Variants in PHF14 observed in about 807,000 individuals in gnomAD.
PHF14 encodes the protein PHD finger protein 14.
Under a neutral mutation model 117.9 loss-of-function variants are expected in PHF14, and 55 were observed. The observed-to-expected ratio is 0.47, with a 90% CI of 0.38 to 0.58. The LOEUF (loss-of-function observed/expected upper bound fraction) is 0.58. Among genes scored for constraint, PHF14 ranks in the 20% least tolerant of loss-of-function variants. PHF14 has a pLI of 0.00. For synonymous variants in PHF14, 409 were observed against 368.6 expected (o/e 1.11, Z -1.26); for missense variants, 978 against 1,122.2 (o/e 0.87, Z 1.84).
chr7:11,165,111 G>C (rs1204250989), intron 17 of PHF14, among the ~76,000 whole-genome samples: 2 of 152,168 alleles, frequency 1.3e-5, no homozygotes, highest in African/African-American at 4.8e-5. Flanking sequence ...TTTTAGTAGA[G>C]ACGGGGTTTC....
chr7:11,085,400 T>C (rs1786351424), intron 16 of PHF14, among the ~76,000 whole-genome samples: 1 of 152,230 alleles, frequency 6.6e-6, no homozygotes, highest in Admixed American at 6.5e-5. Context: ...TAAAACATGT[T>C]GAAGCTATCA....
intron 3 of PHF14, among the ~76,000 whole-genome samples, chr7:10,989,196 C>T (rs925878263): frequency 3.3e-5 from 5 of 151,982 alleles, no homozygotes; most frequent in South Asian, 2.1e-4. Flanking sequence ...ACAAATCTGC[C>T]GCAATTTTAG....
chr7:11,013,670 A>G (rs970337904), intron 4 of PHF14, 77 bp from the exon 5 acceptor site: 33 of 728,314 alleles, frequency 4.5e-5, no homozygotes, highest in Non-Finnish European at 6.3e-5. Flanking sequence ...TCTCTTTGCT[A>G]TTCTTTTTCT....
At chr7:11,104,297 A>G (rs558127411) in intron 16 of PHF14, 3 of 983,280 alleles carry the variant, frequency 3.1e-6, no homozygotes, top group Non-Finnish European at 2.4e-6. Flanking sequence ...TGTTATACAT[A>G]TAGACTGCAA....
chr7:11,141,777 G>A (rs374850904), intron 17 of PHF14, among the ~76,000 whole-genome samples: 3 of 151,960 alleles, frequency 2.0e-5, no homozygotes, highest in South Asian at 4.1e-4. Context: ...TAGTCTGAAC[G>A]TGTGTCTAAC....
intron 4 of PHF14, chr7:11,006,524 G>A: frequency 1.8e-6 from 1 of 571,390 alleles, no homozygotes; most frequent in Non-Finnish European, 3.4e-6. Flanking sequence ...CAATGTCACA[G>A]AGCTCCTTCA....
chr7:11,082,216 C>T (rs537966990), intron 16 of PHF14, among the ~76,000 whole-genome samples: 6 of 152,190 alleles, frequency 3.9e-5, no homozygotes, highest in South Asian at 4.1e-4. Context: ...CATAGTGACA[C>T]GTGCCTATAG....
intron 14 of PHF14, among the ~76,000 whole-genome samples, chr7:11,060,249 T>G (rs1785173140): frequency 6.6e-6 from 1 of 152,210 alleles, no homozygotes; most frequent in Non-Finnish European, 1.5e-5. Flanking sequence ...ACTTATAAAT[T>G]TATTTTATTA....
chr7:11,051,601 C>G lies in PHF14; in HGVS notation c.2313-11C>G. 1.9e-6 allele frequency: 3 copies of G among 1,597,826 alleles called. No homozygotes were observed. Among genetic ancestry groups the G allele is most frequent in the Non-Finnish European group, 2.6e-6 (3 of 1,172,544 alleles). ...ATAAATGCATGACTTAAATTTTTCC[C>G]CTTTATGTAGGCAGTGCTCGGAATG... On this transcript the variant is annotated splice_polypyrimidine_tract_variant and intron_variant, in intron 13 of 17. Transcript: ENST00000634607.
intron 10 of PHF14, among the ~76,000 whole-genome samples, chr7:11,038,474 A>T (rs958370388): frequency 1.3e-5 from 2 of 151,240 alleles, no homozygotes; most frequent in African/African-American, 4.9e-5. Context: ...CCTGGCCAAC[A>T]TGGTGAAACC....
In PHF14 at chr7:11,122,352, T is replaced by TATATATACACACACACAC; in HGVS notation, c.2772+10886_2772+10887insTATATACACACACACACA. 6.1e-5 allele frequency among the ~76,000 whole-genome samples: 4 copies of TATATATACACACACACAC among 65,874 alleles called. No homozygotes were observed. The South Asian group carries it at 1.5e-3, about 25-fold the overall frequency. 43.2% of individuals were successfully genotyped at this position (65,874 alleles called of 152,430 possible). A position where few individuals can be genotyped will look rare whatever the true frequency, so the allele number is the denominator to read the frequency against. On this transcript the variant is annotated intron_variant, in intron 17 of 17. Transcript: ENST00000634607. ...CTTTTTATATATATATATATATATA[T>TATATATACACACACACAC]ACACACACACACACACACACACACA...
At chr7:11,022,079 G>C (rs1370588264) in intron 5 of PHF14, among the ~76,000 whole-genome samples, 3 of 152,076 alleles carry the variant, frequency 2.0e-5, no homozygotes, top group African/African-American at 7.2e-5. Flanking sequence ...CAAGCAGAAA[G>C]AGTGCCTAAT....
chr7:10,982,949 G>C lies in PHF14; in HGVS notation c.690G>C (p.Glu230Asp). The C allele has an allele frequency of 6.3e-7, 1 of 1,599,328 alleles. No homozygotes were observed. Among genetic ancestry groups the C allele is most frequent in the Admixed American group, 1.8e-5 (1 of 56,754 alleles). ...AAGGGAGATCTGCGTCTCAGAAAGAGGGAAGTGATGGAGACAATGAGGATG... is the reference window on the plus strand; with the variant it reads ...AAGGGAGATCTGCGTCTCAGAAAGACGGAAGTGATGGAGACAATGAGGATG... Reference protein sequence around the residue: ...KRKGRSASQKEGSDGDNEDDE... With the variant: ...KRKGRSASQKDGSDGDNEDDE... Residue 230 changes from glutamate (E) to aspartate (D), a missense_variant, in exon 3 of 18, where the codon GAG becomes GAC. Glu to Asp is a conservative substitution (Grantham distance 45, BLOSUM62 2). Coordinates refer to ENST00000634607, the MANE Select transcript of PHF14 (RefSeq NM_001007157.2).
chr7:10,992,045 T>G (rs986043460), intron 4 of PHF14, among the ~76,000 whole-genome samples: 30 of 151,970 alleles, frequency 2.0e-4, no homozygotes, highest in African/African-American at 6.0e-4. Flanking sequence ...TTTTGTAGCT[T>G]CTTCTTTCAT....
At chr7:11,070,803 G>C (rs1357948617) in intron 16 of PHF14, among the ~76,000 whole-genome samples, 2 of 152,134 alleles carry the variant, frequency 1.3e-5, no homozygotes, top group Admixed American at 6.5e-5. Flanking sequence ...TATGGCTCAG[G>C]CTGTTAATTC....
At chr7:11,010,297 T>TTAATTTTA (rs1407665824) in intron 4 of PHF14, among the ~76,000 whole-genome samples, 3 of 152,274 alleles carry the variant, frequency 2.0e-5, no homozygotes, top group Non-Finnish European at 4.4e-5. Context: ...ATATTTCCTT[T>TTAATTTTA]TAATTTTATG....
chr7:11,121,412 A>G (rs1016064042), intron 17 of PHF14, among the ~76,000 whole-genome samples: 3 of 152,136 alleles, frequency 2.0e-5, no homozygotes, highest in Non-Finnish European at 4.4e-5. Context: ...GATGCTACTA[A>G]TTCTTTTCTT....
chr7:11,107,698 A>G, intron 16 of PHF14: 4 of 695,818 alleles, frequency 5.7e-6, no homozygotes, highest in East Asian at 1.3e-4. Flanking sequence ...ATCTGTTTTT[A>G]TTACATAGAC....
At chr7:11,166,553 A>G (rs1789206327) in intron 17 of PHF14, among the ~76,000 whole-genome samples, 1 of 152,200 alleles carries the variant, frequency 6.6e-6, no homozygotes, top group Non-Finnish European at 1.5e-5. Context: ...AAAAACATAA[A>G]TTAGCATTTC....
Sources: allele counts gnomAD v4.1 joint callset (sites outside exome capture counted in the v4.1 genomes callset), GRCh38; gene constraint gnomAD v4.1.1; transcripts MANE v1.5; gene names NCBI Gene and HGNC (gene_info 2026-07-23, HGNC 2026-07-21).